KCNQ1OT1: variants seen among roughly 807,000 people sequenced by gnomAD.
The protein encoded by KCNQ1OT1 is KCNQ1 antisense RNA 2 (non-protein coding).
exon 1 of KCNQ1OT1, chr11:2,697,216 T>G: frequency 2.5e-6 from 1 of 398,612 alleles, no homozygotes; most frequent in East Asian, 3.6e-5. Flanking sequence ...ATGGTAACTA[T>G]CAACAGATAG....
chr11:2,666,396 T>C (rs1850068152), exon 1 of KCNQ1OT1: 3 of 398,686 alleles, frequency 7.5e-6, no homozygotes, highest in Non-Finnish European at 1.3e-5. Flanking sequence ...CGCAAATCCT[T>C]GAGCAAAAAC....
In KCNQ1OT1 at chr11:2,687,048, G is replaced by T; in HGVS notation, n.12947C>A. On this transcript the variant is annotated non_coding_transcript_exon_variant, in exon 1 of 1. Coordinates refer to ENST00000597346, the Ensembl canonical transcript of KCNQ1OT1. This position sits in a 1 kb window ranked among gnomAD's most constrained non-coding sequence, Gnocchi z 5.0. ...CTAAAACTCAGCAGTCCCAGCTCTG[G>T]GGGACAAGGACCCACAAAGTGATGC... The T allele has an allele frequency of 2.5e-6, 1 of 398,652 alleles. No homozygotes were observed. Among genetic ancestry groups the T allele is most frequent in the South Asian group, 1.3e-4 (1 of 7,840 alleles). The allele number at this position is 398,652 out of a possible 1,614,324, so 24.7% of individuals were successfully genotyped here.
rs922641918 is a variant in KCNQ1OT1, at chr11:2,645,775, A to G, written n.54220T>C. 78 of 398,638 alleles carry G rather than the reference A, an allele frequency of 2.0e-4. No individual in the cohort carries two copies. The highest frequency in any genetic ancestry group is 2.6e-4 in the Admixed American group (6 of 22,706). The allele number at this position is 398,638 out of a possible 1,614,324, so 24.7% of individuals were successfully genotyped here. A position where few individuals can be genotyped will look rare whatever the true frequency, so the allele number is the denominator to read the frequency against. ...GATGAGATAGAGGGATGTGGGGCCC[A>G]CAGCAGATGCAGTCTGGTGGGGGTT... On this transcript the variant is annotated non_coding_transcript_exon_variant, in exon 1 of 1. Coordinates refer to ENST00000597346, the Ensembl canonical transcript of KCNQ1OT1. This position sits in a 1 kb window ranked among gnomAD's most constrained non-coding sequence, Gnocchi z 5.8.
exon 1 of KCNQ1OT1, chr11:2,633,625 C>A (rs1005269558): frequency 2.3e-5 from 9 of 398,356 alleles, no homozygotes; most frequent in African/African-American, 1.9e-4. Flanking sequence ...ACATGGTGTC[C>A]TTTCCCCAGA....
rs1849001734 is a variant in KCNQ1OT1, at chr11:2,612,772, A to G, written n.87223T>C. 7.5e-6 allele frequency: 3 copies of G among 398,438 alleles called. No individual in the cohort carries two copies. Among genetic ancestry groups the G allele is most frequent in the Admixed American group, 4.4e-5 (1 of 22,700 alleles). 24.7% of individuals were successfully genotyped at this position (398,438 alleles called of 1,614,324 possible). ...TATTTATTGCTCATTATTCTTGTTC[A>G]AGGGTCACAATTTTCTGTTTCTTTG... On this transcript the variant is annotated non_coding_transcript_exon_variant, in exon 1 of 1. Coordinates refer to ENST00000597346, the Ensembl canonical transcript of KCNQ1OT1. The surrounding 1 kb of genome is among the most constrained non-coding windows in gnomAD (Gnocchi z 5.5).
exon 1 of KCNQ1OT1, chr11:2,689,413 A>G (rs1172706777): frequency 5.0e-6 from 2 of 398,440 alleles, no homozygotes; most frequent in Non-Finnish European, 8.8e-6. Context: ...GGAAATGGGG[A>G]GCATAGGGGA....
At position 2,617,011 on chromosome 11, in the gene KCNQ1OT1, T is replaced by C. The variant is rs1589983707; in HGVS notation, n.82984A>G. On this transcript the variant is annotated non_coding_transcript_exon_variant, in exon 1 of 1. Transcript: ENST00000597346. This position sits in a 1 kb window ranked among gnomAD's most constrained non-coding sequence, Gnocchi z 4.6. ...ATATGCATATTTAGTGTATAAAACA[T>C]ACAGTTAAATCGTTAACATAGTGAT... The C allele has an allele frequency of 5.0e-6, 2 of 398,174 alleles. No individual in the cohort carries two copies. The highest frequency in any genetic ancestry group is 6.3e-4 in the Middle Eastern group (1 of 1,584). 24.7% of individuals were successfully genotyped at this position (398,174 alleles called of 1,614,324 possible).
chr11:2,694,264 G>C, exon 1 of KCNQ1OT1: 1 of 398,662 alleles, frequency 2.5e-6, no homozygotes, highest in East Asian at 3.6e-5. Flanking sequence ...TGCCTTTAAA[G>C]AGCCACAGCA....
At position 2,668,760 on chromosome 11, in the gene KCNQ1OT1, C is replaced by T; in HGVS notation, n.31235G>A. On this transcript the variant is annotated non_coding_transcript_exon_variant, in exon 1 of 1. Transcript: ENST00000597346. The surrounding 1 kb of genome is among the most constrained non-coding windows in gnomAD (Gnocchi z 4.3). Reference sequence around the variant, plus strand: ...TCCCCCTCTGCAGGCTGCCTTCTTCCTCTCTTGATGGTGTCTTTTGATGAA... The same window carrying T: ...TCCCCCTCTGCAGGCTGCCTTCTTCTTCTCTTGATGGTGTCTTTTGATGAA... The T allele has an allele frequency of 2.5e-6, 1 of 398,630 alleles. No homozygotes were observed. The highest frequency in any genetic ancestry group is 4.4e-6 in the Non-Finnish European group (1 of 226,080). 24.7% of individuals were successfully genotyped at this position (398,630 alleles called of 1,614,324 possible). A position where few individuals can be genotyped will look rare whatever the true frequency, so the allele number is the denominator to read the frequency against.
At position 2,659,879 on chromosome 11, in the gene KCNQ1OT1, A is replaced by T; in HGVS notation, n.40116T>A. ...ATGTGCTTATTTATAATCCATTTTT[A>T]AAATTGGATTGTTCACTTTATTGTC... is the stretch of plus-strand genomic sequence containing the variant. On this transcript the variant is annotated non_coding_transcript_exon_variant, in exon 1 of 1. Transcript: ENST00000597346. The surrounding 1 kb of genome is among the most constrained non-coding windows in gnomAD (Gnocchi z 4.3). 1 of 398,378 alleles carries T rather than the reference A, an allele frequency of 2.5e-6. No homozygotes were observed. The highest frequency in any genetic ancestry group is 4.4e-6 in the Non-Finnish European group (1 of 225,966). 24.7% of individuals were successfully genotyped at this position (398,378 alleles called of 1,614,324 possible). A position where few individuals can be genotyped will look rare whatever the true frequency, so the allele number is the denominator to read the frequency against.
At chr11:2,609,963 CT>C in exon 1 of KCNQ1OT1, 1 of 397,936 alleles carries the variant, frequency 2.5e-6, no homozygotes, top group Non-Finnish European at 4.4e-6. Flanking sequence ...CAAATCTGGT[CT>C]GATAATTCCT....
At chr11:2,640,423 C>G in exon 1 of KCNQ1OT1, 1 of 398,630 alleles carries the variant, frequency 2.5e-6, no homozygotes, top group East Asian at 3.6e-5. Flanking sequence ...GTAGCTGGGA[C>G]TACAGGCATG....
chr11:2,668,228 G>C lies in KCNQ1OT1; in HGVS notation n.31767C>G, dbSNP rs1379852129. ...TCATTCATCCATTCTACCACCTGTGGCCAGCAGGCAGTTTCTGGTGTAGGT... is the reference window on the plus strand; with the variant it reads ...TCATTCATCCATTCTACCACCTGTGCCCAGCAGGCAGTTTCTGGTGTAGGT... On this transcript the variant is annotated non_coding_transcript_exon_variant, in exon 1 of 1. Coordinates refer to ENST00000597346, the Ensembl canonical transcript of KCNQ1OT1. The surrounding 1 kb of genome is among the most constrained non-coding windows in gnomAD (Gnocchi z 4.3). The C allele has an allele frequency of 2.0e-5, 8 of 398,488 alleles. No individual in the cohort carries two copies. The highest frequency in any genetic ancestry group is 3.5e-5 in the Non-Finnish European group (8 of 226,088). The allele number at this position is 398,488 out of a possible 1,614,324, so 24.7% of individuals were successfully genotyped here. A position where few individuals can be genotyped will look rare whatever the true frequency, so the allele number is the denominator to read the frequency against.
chr11:2,625,645 G>A (rs1384722812), exon 1 of KCNQ1OT1: 6 of 395,736 alleles, frequency 1.5e-5, no homozygotes, highest in Non-Finnish European at 8.9e-6. Context: ...GTGCCATCTC[G>A]GCTTACTGCA....
At chr11:2,696,795 T>C (rs1048776494) in exon 1 of KCNQ1OT1, 2 of 398,510 alleles carry the variant, frequency 5.0e-6, no homozygotes, top group Non-Finnish European at 8.8e-6. Flanking sequence ...TAGACTGGTA[T>C]AAATTTTGCT....
Position 2,647,969 on chromosome 11 carries a change from T to G in KCNQ1OT1, n.52026A>C. ...TGGCTCACACCTGTAAACCCAGTAC[T>G]TTGGAAGGCCAAGGCAGGCCGATCG... On this transcript the variant is annotated non_coding_transcript_exon_variant, in exon 1 of 1. Coordinates refer to ENST00000597346, the Ensembl canonical transcript of KCNQ1OT1. This position sits in a 1 kb window ranked among gnomAD's most constrained non-coding sequence, Gnocchi z 4.0. 1 of 398,144 alleles carries G rather than the reference T, an allele frequency of 2.5e-6. No individual in the cohort carries two copies. The highest frequency in any genetic ancestry group is 3.6e-5 in the East Asian group (1 of 28,068). 24.7% of individuals were successfully genotyped at this position (398,144 alleles called of 1,614,324 possible).
exon 1 of KCNQ1OT1, chr11:2,633,884 T>C (rs1035321536): frequency 2.5e-6 from 1 of 398,664 alleles, no homozygotes; most frequent in Non-Finnish European, 4.4e-6. Context: ...GTCATCTGTA[T>C]ACATAGTTTT....
Position 2,647,724 on chromosome 11 carries a change from G to A in KCNQ1OT1, n.52271C>T. The A allele has an allele frequency of 2.5e-6, 1 of 398,346 alleles. No homozygotes were observed. 24.7% of individuals were successfully genotyped at this position (398,346 alleles called of 1,614,324 possible). A position where few individuals can be genotyped will look rare whatever the true frequency, so the allele number is the denominator to read the frequency against. On this transcript the variant is annotated non_coding_transcript_exon_variant, in exon 1 of 1. Coordinates refer to ENST00000597346, the Ensembl canonical transcript of KCNQ1OT1. This position sits in a 1 kb window ranked among gnomAD's most constrained non-coding sequence, Gnocchi z 4.0. Reference sequence around the variant, plus strand: ...TTTTCTTCCTGGTTCAATCTTGGGAGGTTATATATGTCCAGGAATTTATCT... The same window carrying A: ...TTTTCTTCCTGGTTCAATCTTGGGAAGTTATATATGTCCAGGAATTTATCT...
chr11:2,657,091 C>T lies in KCNQ1OT1; in HGVS notation n.42904G>A. The T allele has an allele frequency of 2.5e-6, 1 of 398,634 alleles. No homozygotes were observed. Among genetic ancestry groups the T allele is most frequent in the East Asian group, 3.6e-5 (1 of 28,076 alleles). 24.7% of individuals were successfully genotyped at this position (398,634 alleles called of 1,614,324 possible). A position where few individuals can be genotyped will look rare whatever the true frequency, so the allele number is the denominator to read the frequency against. On this transcript the variant is annotated non_coding_transcript_exon_variant, in exon 1 of 1. Coordinates refer to ENST00000597346, the Ensembl canonical transcript of KCNQ1OT1. This position sits in a 1 kb window ranked among gnomAD's most constrained non-coding sequence, Gnocchi z 4.8. ...GTCCCATTGGCCTATTTGTCTCTCCCTGTGTCAATACCACATTGCCCTAAT... is the reference window on the plus strand; with the variant it reads ...GTCCCATTGGCCTATTTGTCTCTCCTTGTGTCAATACCACATTGCCCTAAT...
Sources: allele counts gnomAD v4.1 joint callset, GRCh38; gene constraint gnomAD v4.1.1; non-coding constraint Gnocchi (gnomAD v3.1); transcripts MANE v1.5; gene names NCBI Gene and HGNC (gene_info 2026-07-23, HGNC 2026-07-21).